The following SHOX2 variants were observed in gnomAD, a reference collection of about 807,000 sequenced individuals.
SHOX2 encodes the protein short stature homeobox protein 2.
In SHOX2, 13 loss-of-function variants were observed where a neutral mutation model predicts 31.3. That is an observed-to-expected ratio of 0.42 (90% CI 0.27 to 0.66). The LOEUF is 0.66. Among genes scored for constraint, SHOX2 ranks in the 30% least tolerant of loss-of-function variants. The pLI is 0.27. For missense variants in SHOX2, 473 were observed against 443.0 expected (o/e 1.07, Z -0.61); for synonymous variants, 244 against 196.2 (o/e 1.24, Z -2.04).
rs1283018700 is a variant in SHOX2, at chr3:158,106,114, C to T, written c.-90G>A. The T allele has an allele frequency of 8.9e-6, 14 of 1,572,606 alleles. No individual in the cohort carries two copies. In the East Asian group the frequency reaches 3.2e-4, roughly 36 times the overall value. ...TCTTTTTTTACTGCTCCAGCCCCCC[C>T]AATAATAACACATCAATGGGACAGG... On this transcript the variant is annotated 5_prime_UTR_variant, in exon 1 of 5. An upstream open reading frame in the 5' UTR gains an earlier in-frame stop. Transcript: ENST00000483851.
Position 158,096,897 on chromosome 3 carries a change from T to TAA in SHOX2, c.*1129_*1130insTT, listed in dbSNP as rs1248611987. The TAA allele has an allele frequency of 5.7e-5, 5 of 87,790 alleles. No homozygotes were observed. The Admixed American group carries it at 5.8e-4, about 10-fold the overall frequency. The allele number at this position is 87,790 out of a possible 1,614,324, so 5.4% of individuals were successfully genotyped here. A position where few individuals can be genotyped will look rare whatever the true frequency, so the allele number is the denominator to read the frequency against. On this transcript the variant is annotated 3_prime_UTR_variant, in exon 5 of 5. Transcript: ENST00000483851. ...GGATCAAAGACAGGGCAAATATATA[T>TAA]ATATATATATATATATATATATATA...
Position 158,105,933 on chromosome 3 carries a change from C to A in SHOX2, c.92G>T (p.Ser31Ile). Reference protein sequence around the residue: ...EAITYREVLESGPLRGAKEPT... With the variant: ...EAITYREVLEIGPLRGAKEPT... The stretch of plus-strand genomic sequence containing the variant: ...CTCCTTGGCCCCGCGCAGCGGCCCG[C>A]TCTCCAGCACCTCCCGGTACGTGAT... Residue 31 changes from serine (S) to isoleucine (I), a missense_variant, in exon 1 of 5, where the codon AGC (serine) becomes ATC (isoleucine). Around this residue, in one of 3 missense-constraint regions of SHOX2, gnomAD observed 276 missense variants for 230.0 expected, o/e 1.20. Coordinates refer to ENST00000483851, the MANE Select transcript of SHOX2 (RefSeq NM_001163678.2). 1 of 1,607,918 alleles carries A rather than the reference C, an allele frequency of 6.2e-7. No individual in the cohort carries two copies. The highest frequency in any genetic ancestry group is 2.3e-5 in the East Asian group (1 of 43,928).
Position 158,099,912 on chromosome 3 carries a change from C to T in SHOX2, c.650G>A (p.Cys217Tyr). The T allele has an allele frequency of 6.2e-7, 1 of 1,614,204 alleles. No homozygotes were observed. The highest frequency in any genetic ancestry group is 8.5e-7 in the Non-Finnish European group (1 of 1,180,032). ...TACGTTGACATAAGGTGCGACTCTA[C>T]AAGCTTCAAACTGGCTGGCGGCCCC... ...LIGAASQFEA[C>Y]RVAPYVNVGA... The change falls in exon 4 of 5, where the codon TGT becomes TAT. Residue 217 changes from cysteine to tyrosine, a missense_variant. By Grantham distance (194) the Cys-to-Tyr change is radical (BLOSUM62 -2). Around this residue, in one of 3 missense-constraint regions of SHOX2, gnomAD observed 182 missense variants for 167.2 expected, o/e 1.09. Coordinates refer to ENST00000483851, the MANE Select transcript of SHOX2 (RefSeq NM_001163678.2).
rs1289554921 is a variant in SHOX2, at chr3:158,105,752, G to T, written c.273C>A (p.Arg91=). The T allele has an allele frequency of 6.6e-7, 1 of 1,522,078 alleles. No homozygotes were observed. Among genetic ancestry groups the T allele is most frequent in the Middle Eastern group, 1.8e-4 (1 of 5,612 alleles). The allele number at this position is 1,522,078 out of a possible 1,614,324, so 94.3% of individuals were successfully genotyped here. Residue 91 remains arginine, a synonymous_variant, in exon 1 of 5, where the codon CGC becomes CGA. Coordinates refer to ENST00000483851, the MANE Select transcript of SHOX2 (RefSeq NM_001163678.2). The stretch of plus-strand genomic sequence containing the variant: ...CCATGTCCAGCTCCCGGACGGGAGA[G>T]CGCCCTCCTCCAGCTCCTCCGCCTG... The part of the protein sequence containing the change: ...GGAGGGAGGG[R]SPVRELDMGA...
chr3:158,105,359 G>C (rs890481095), intron 1 of SHOX2: 25 of 592,666 alleles, frequency 4.2e-5, no homozygotes, highest in Non-Finnish European at 7.5e-5. Flanking sequence ...ACGTCCGCCT[G>C]CGGGCCATCC....
At position 158,105,727 on chromosome 3, in the gene SHOX2, C is replaced by A. The variant is rs1300940776; in HGVS notation, c.298G>T (p.Gly100Cys). The change falls in exon 1 of 5, where the codon GGC becomes TGC. Residue 100 changes from glycine to cysteine, a missense_variant. By Grantham distance (159) the Gly-to-Cys change is radical. This residue lies in a region of SHOX2 where 276 missense variants were observed against 230.0 expected (regional missense o/e 1.20). Coordinates refer to ENST00000483851, the MANE Select transcript of SHOX2 (RefSeq NM_001163678.2). ...GRSPVRELDM[G>C]AAERSREPGS... ...GGCTCCCTGCTTCTCTCGGCGGCGC[C>A]CATGTCCAGCTCCCGGACGGGAGAG... The A allele has an allele frequency of 1.3e-6, 2 of 1,526,280 alleles. No homozygotes were observed. Among genetic ancestry groups the A allele is most frequent in the Non-Finnish European group, 1.8e-6 (2 of 1,137,950 alleles). 94.5% of individuals were successfully genotyped at this position (1,526,280 alleles called of 1,614,324 possible). A position where few individuals can be genotyped will look rare whatever the true frequency, so the allele number is the denominator to read the frequency against.
intron 2 of SHOX2, 46 bp downstream of exon 2, chr3:158,102,632 G>A (rs890008108): frequency 6.5e-7 from 1 of 1,544,334 alleles, no homozygotes; most frequent in Non-Finnish European, 8.9e-7. Flanking sequence ...TCCAACCCCA[G>A]GCTCTCTCTG....
In SHOX2 at chr3:158,103,230, CGCACTCACTTGCTCCGCA is replaced by C. The variant is rs1296141990; in HGVS notation, c.347-362_347-345del. On this transcript the variant is annotated intron_variant, in intron 1 of 4. Coordinates refer to ENST00000483851, the MANE Select transcript of SHOX2 (RefSeq NM_001163678.2). Reference sequence around the variant, plus strand: ...ACACCAAATGGTTTCCACTCACTTTCGCACTCACTTGCTCCGCAGCACTCACAGAAATCAAAGGCGCAG... The same window carrying C: ...ACACCAAATGGTTTCCACTCACTTTCGCACTCACAGAAATCAAAGGCGCAG... The C allele has an allele frequency of 3.0e-4, 115 of 385,042 alleles. No individual in the cohort carries two copies. The East Asian group carries it at 6.4e-3, about 21-fold the overall frequency. 23.9% of individuals were successfully genotyped at this position (385,042 alleles called of 1,614,324 possible). A position where few individuals can be genotyped will look rare whatever the true frequency, so the allele number is the denominator to read the frequency against.
chr3:158,098,866 T>C (rs1353062275), intron 4 of SHOX2, among the ~76,000 whole-genome samples: 1 of 152,200 alleles, frequency 6.6e-6, no homozygotes, highest in African/African-American at 2.4e-5. Context: ...AGATTCTGAA[T>C]TTCTAACAAT....
Position 158,097,963 on chromosome 3 carries a change from G to A in SHOX2, c.*64C>T. 6.5e-7 allele frequency: 1 copy of A among 1,532,490 alleles called. No individual in the cohort carries two copies. Among genetic ancestry groups the A allele is most frequent in the Non-Finnish European group, 8.8e-7 (1 of 1,140,344 alleles). 94.9% of individuals were successfully genotyped at this position (1,532,490 alleles called of 1,614,324 possible). A position where few individuals can be genotyped will look rare whatever the true frequency, so the allele number is the denominator to read the frequency against. ...TCAAAGGGGTAACGGAGAAGCAGCGGGGCGCGGAGGGCGTGCAGGCTGAGT... is the reference window on the plus strand; with the variant it reads ...TCAAAGGGGTAACGGAGAAGCAGCGAGGCGCGGAGGGCGTGCAGGCTGAGT... On this transcript the variant is annotated 3_prime_UTR_variant, in exon 5 of 5. Transcript: ENST00000483851.
At chr3:158,105,019 C>CA in intron 1 of SHOX2, 1 of 537,190 alleles carries the variant, frequency 1.9e-6, no homozygotes, top group Admixed American at 3.1e-5. Context: ...TATAGATCCC[C>CA]ACCTCCCCCG....
Position 158,106,180 on chromosome 3 carries a change from AGAG to A in SHOX2, c.-159_-157del, listed in dbSNP as rs1003230125. The A allele has an allele frequency of 2.5e-5, 31 of 1,256,100 alleles. No homozygotes were observed. The Admixed American group carries it at 2.7e-4, about 11-fold the overall frequency. 77.8% of individuals were successfully genotyped at this position (1,256,100 alleles called of 1,614,324 possible). ...GGGAGGAGGAGAAAGAAGAAGAAAA[AGAG>A]GAGAAGAAAGAAGAAAGAGGAGGAG... On this transcript the variant is annotated 5_prime_UTR_variant, in exon 1 of 5. Coordinates refer to ENST00000483851, the MANE Select transcript of SHOX2 (RefSeq NM_001163678.2).
Position 158,098,140 on chromosome 3 carries a change from A to G in SHOX2, c.847T>C (p.Ser283Pro), listed in dbSNP as rs765149160. 6.2e-7 allele frequency: 1 copy of G among 1,613,414 alleles called. No individual in the cohort carries two copies. The highest frequency in any genetic ancestry group is 8.5e-7 in the Non-Finnish European group (1 of 1,179,636). Reference protein sequence around the residue: ...PLATLAADSASAASVVAAAAA... With the variant: ...PLATLAADSAPAASVVAAAAA... ...GCGGCCGCCACTACCGAGGCGGCGG[A>G]AGCCGAATCCGCGGCCAGCGTGGCG... The change falls in exon 5 of 5, where the codon TCC becomes CCC. Residue 283 changes from serine to proline, a missense_variant. Ser to Pro is a moderately conservative substitution (Grantham distance 74). Around this residue, in one of 3 missense-constraint regions of SHOX2, gnomAD observed 182 missense variants for 167.2 expected, o/e 1.09. Transcript: ENST00000483851.
chr3:158,105,083 G>A (rs1336655884), intron 1 of SHOX2: 3 of 1,487,236 alleles, frequency 2.0e-6, no homozygotes, highest in Admixed American at 2.2e-5. Flanking sequence ...CCTCGCCCGG[G>A]AGAAGCAGCG....
chr3:158,102,854 C>A lies in SHOX2; in HGVS notation c.379G>T (p.Ala127Ser), dbSNP rs1713590282. Reference sequence around the variant, plus strand: ...TGGCCTTCGTCCTCCATCCCTTTCGCATCCTCTTTGCGATCTTTCAGCTCC... The same window carrying A: ...TGGCCTTCGTCCTCCATCCCTTTCGAATCCTCTTTGCGATCTTTCAGCTCC... ...SPELKDRKED[A>S]KGMEDEGQTK... Residue 127 changes from alanine (A) to serine (S), a missense_variant, in exon 2 of 5, where the codon GCG becomes TCG. By Grantham distance (99) the Ala-to-Ser change is moderately conservative. Around this residue, in one of 3 missense-constraint regions of SHOX2, gnomAD observed 276 missense variants for 230.0 expected, o/e 1.20. Transcript: ENST00000483851. 3 of 1,613,988 alleles carry A rather than the reference C, an allele frequency of 1.9e-6. No homozygotes were observed. The highest frequency in any genetic ancestry group is 1.3e-5 in the African/African-American group (1 of 74,890).
rs1713232365 is a variant in SHOX2 at position 158,098,009 on chromosome 3, T to C, written c.*18A>G. 4 of 1,572,254 alleles carry C rather than the reference T, an allele frequency of 2.5e-6. No individual in the cohort carries two copies. The highest frequency in any genetic ancestry group is 3.5e-6 in the Non-Finnish European group (4 of 1,157,344). On this transcript the variant is annotated 3_prime_UTR_variant, in exon 5 of 5. Coordinates refer to ENST00000483851, the MANE Select transcript of SHOX2 (RefSeq NM_001163678.2). ...TGAGTGCCGCGGGACAGGCGCGACA[T>C]TGGTGCTGGCGTTGGCGTCACAGAC...
rs1713063417 is a variant in SHOX2, at chr3:158,096,274, T to G, written c.*1753A>C. ...AGTTAGAAGAGCTTTTCCTCTTTCT[T>G]GTAAATTAGAAGGTAAAACAAAAAC... On this transcript the variant is annotated 3_prime_UTR_variant, in exon 5 of 5. Transcript: ENST00000483851. The G allele has an allele frequency of 1.3e-5, 2 of 152,228 alleles. No homozygotes were observed. Among genetic ancestry groups the G allele is most frequent in the Admixed American group, 6.5e-5 (1 of 15,278 alleles). 9.4% of individuals were successfully genotyped at this position (152,228 alleles called of 1,614,324 possible).
rs1578082182 is a variant in SHOX2 at position 158,105,377 on chromosome 3, G to A, written c.346+302C>T. 3 of 590,164 alleles carry A rather than the reference G, an allele frequency of 5.1e-6. No individual in the cohort carries two copies. The East Asian group carries it at 8.5e-5, about 17-fold the overall frequency. 36.6% of individuals were successfully genotyped at this position (590,164 alleles called of 1,614,324 possible). ...TCCGCCTGCGGGCCATCCGGGCTGCGGGCCCATCCTCCCGCTGGTGAAAAA... is the reference window on the plus strand; with the variant it reads ...TCCGCCTGCGGGCCATCCGGGCTGCAGGCCCATCCTCCCGCTGGTGAAAAA... On this transcript the variant is annotated intron_variant, in intron 1 of 4. Coordinates refer to ENST00000483851, the MANE Select transcript of SHOX2 (RefSeq NM_001163678.2).
Position 158,097,702 on chromosome 3 carries a change from T to G in SHOX2, c.*325A>C. 3.3e-6 allele frequency: 1 copy of G among 302,872 alleles called. No homozygotes were observed. Among genetic ancestry groups the G allele is most frequent in the Non-Finnish European group, 6.1e-6 (1 of 164,692 alleles). 18.8% of individuals were successfully genotyped at this position (302,872 alleles called of 1,614,324 possible). Reference sequence around the variant, plus strand: ...AGAGTCCATCGTTGCAGCTTTGCGGTGAGCCAAACTCCGCGGTTCCAGCAC... The same window carrying G: ...AGAGTCCATCGTTGCAGCTTTGCGGGGAGCCAAACTCCGCGGTTCCAGCAC... On this transcript the variant is annotated 3_prime_UTR_variant, in exon 5 of 5. Transcript: ENST00000483851.
Sources: allele counts gnomAD v4.1 joint callset (sites outside exome capture counted in the v4.1 genomes callset), GRCh38; gene constraint gnomAD v4.1.1; regional missense constraint gnomAD v4.1.1; transcripts MANE v1.5; gene names NCBI Gene and HGNC (gene_info 2026-07-23, HGNC 2026-07-21).